The following PLD1 variants were observed in gnomAD, a reference collection of about 807,000 sequenced individuals.
The protein encoded by PLD1 is phospholipase D1.
A neutral mutation model predicts 137.1 loss-of-function variants in PLD1; 112 were observed. That is an observed-to-expected ratio of 0.82 (90% CI 0.70 to 0.96). PLD1 has a LOEUF of 0.96. Among genes scored for constraint, PLD1 ranks in the 40% least tolerant of loss-of-function variants. The pLI, the probability that PLD1 is intolerant of heterozygous loss-of-function variation, is 0.00. For missense variants in PLD1, 1,321 were observed against 1,342.0 expected, an observed-to-expected ratio of 0.98 and a Z score of 0.24; for synonymous variants, 431 against 454.7, an observed-to-expected ratio of 0.95 and a Z score of 0.66.
At chr3:171,783,286 C>A (rs1261506912) in intron 1 of PLD1, among the ~76,000 whole-genome samples, 3 of 151,976 alleles carry the variant, frequency 2.0e-5, no homozygotes, top group African/African-American at 7.3e-5. Flanking sequence ...TCCAGGAATG[C>A]TCCGTGGTTT....
At chr3:171,654,439 G>A (rs985354195) in intron 21 of PLD1, 1 of 189,886 alleles carries the variant, frequency 5.3e-6, no homozygotes, top group Non-Finnish European at 1.1e-5. Context: ...TATTTTCATT[G>A]TGTGTGTCAA....
rs368264113 is a variant in PLD1 at position 171,695,732 on chromosome 3, T to G, written c.1228-3290A>C. ...GTTTGTCCACTGCCTGAAGACAGTTTAGCCCACCCCACCCCCCCAACCCAG... is the reference window on the plus strand; with the variant it reads ...GTTTGTCCACTGCCTGAAGACAGTTGAGCCCACCCCACCCCCCCAACCCAG... On this transcript the variant is annotated intron_variant, in intron 12 of 26. Transcript: ENST00000351298. 7.2e-5 allele frequency among the ~76,000 whole-genome samples: 11 copies of G among 152,102 alleles called. No homozygotes were observed. In the South Asian group the frequency reaches 8.3e-4, roughly 11 times the overall value.
chr3:171,661,009 G>A (rs1737624125), intron 20 of PLD1, among the ~76,000 whole-genome samples: 1 of 152,144 alleles, frequency 6.6e-6, no homozygotes, highest in Non-Finnish European at 1.5e-5. Flanking sequence ...TGGTATAATT[G>A]TTTAAATTAA....
intron 1 of PLD1, among the ~76,000 whole-genome samples, chr3:171,745,568 A>G (rs1486263785): frequency 2.0e-5 from 3 of 152,214 alleles, no homozygotes; most frequent in African/African-American, 2.4e-5. Flanking sequence ...CTGACCTCCA[A>G]CCAGACCCTC....
intron 19 of PLD1, among the ~76,000 whole-genome samples, chr3:171,670,646 T>C (rs895685638): frequency 3.3e-4 from 50 of 152,360 alleles, no homozygotes; most frequent in African/African-American, 1.2e-3. Context: ...ATCAGTGATG[T>C]CCTAGTTTCT....
rs534617227 is a variant in PLD1 at position 171,668,795 on chromosome 3, G to T, written c.2229+5705C>A. On this transcript the variant is annotated intron_variant, in intron 19 of 26. Transcript: ENST00000351298. ...CATGTTGATGCTGACACGGCATTCA[G>T]CATTTTCTTTCAGCTTAATAGACAT... is the stretch of plus-strand genomic sequence containing the variant. 7.2e-5 allele frequency among the ~76,000 whole-genome samples: 11 copies of T among 152,330 alleles called. No homozygotes were observed. In the South Asian group the frequency reaches 2.3e-3, roughly 32 times the overall value.
rs184638829 is a variant in PLD1, at chr3:171,665,294, G to A, written c.2230-3124C>T. Reference sequence around the variant, plus strand: ...TGATCCTCAATGGCTTTCATGGAAGGGGACGCCTGAAGGTCACATATTTGC... The same window carrying A: ...TGATCCTCAATGGCTTTCATGGAAGAGGACGCCTGAAGGTCACATATTTGC... On this transcript the variant is annotated intron_variant, in intron 19 of 26. Transcript: ENST00000351298. Among the ~76,000 whole-genome samples the A allele has an allele frequency of 2.0e-5, 3 of 152,330 alleles. No homozygotes were observed. In the East Asian group the frequency reaches 5.8e-4, roughly 29 times the overall value.
At chr3:171,771,268 G>C (rs1181828912) in intron 1 of PLD1, 1 of 152,180 alleles carries the variant, frequency 6.6e-6, no homozygotes, top group Non-Finnish European at 1.5e-5. Context: ...CAATCTCCAA[G>C]GCAGCTGATA....
At chr3:171,740,955 G>A (rs1719734671) in intron 1 of PLD1, among the ~76,000 whole-genome samples, 1 of 152,108 alleles carries the variant, frequency 6.6e-6, no homozygotes, top group Non-Finnish European at 1.5e-5. Flanking sequence ...TTATGGAGTT[G>A]GTTACAGAGG....
intron 1 of PLD1, among the ~76,000 whole-genome samples, chr3:171,761,313 AG>A (rs1327046935): frequency 6.6e-6 from 1 of 152,182 alleles, no homozygotes; most frequent in East Asian, 1.9e-4. Flanking sequence ...AACAGTTAAA[AG>A]GCCTTTGAAA....
At chr3:171,703,073 A>T (rs1716381056) in intron 11 of PLD1, among the ~76,000 whole-genome samples, 2 of 152,184 alleles carry the variant, frequency 1.3e-5, no homozygotes, top group Admixed American at 1.3e-4. Context: ...AGTGCAATTC[A>T]CCACAGTAAC....
chr3:171,616,739 G>C (rs186902550), intron 24 of PLD1, among the ~76,000 whole-genome samples: 106 of 152,270 alleles, frequency 7.0e-4, no homozygotes, highest in Non-Finnish European at 1.2e-3. Context: ...CTAAAAGAAT[G>C]CAACAGCCCT....
chr3:171,758,733 C>G (rs571802134), intron 1 of PLD1, among the ~76,000 whole-genome samples: 1 of 152,300 alleles, frequency 6.6e-6, no homozygotes, highest in South Asian at 2.1e-4. Flanking sequence ...CCAGAGAGAA[C>G]AAAACCAGCT....
Position 171,710,206 on chromosome 3 carries a change from A to G in PLD1, c.912-497T>C, listed in dbSNP as rs919398453. Among the ~76,000 whole-genome samples, 49 of 152,008 alleles carry G rather than the reference A, an allele frequency of 3.2e-4. No homozygotes were observed. In the East Asian group the frequency reaches 3.3e-3, roughly 10 times the overall value. On this transcript the variant is annotated intron_variant, in intron 9 of 26. Transcript: ENST00000351298. ...GCCTCGAGTAGCTGGGACTACAGGC[A>G]CCCGCCACCACGCCCGGCTAATTTT... is the stretch of plus-strand genomic sequence containing the variant.
intron 1 of PLD1, among the ~76,000 whole-genome samples, chr3:171,764,118 C>G (rs1364458264): frequency 6.6e-6 from 1 of 152,098 alleles, no homozygotes; most frequent in African/African-American, 2.4e-5. Context: ...ACCATAGTCA[C>G]ATGCCACCAC....
intron 1 of PLD1, among the ~76,000 whole-genome samples, chr3:171,764,930 AAAGGAAAGAAAG>A (rs1721819321): frequency 3.6e-5 from 1 of 27,560 alleles, no homozygotes. Flanking sequence ...GAAAGGAAAG[AAAGGAAAGAAAG>A]AAAGAAAGAA....
intron 21 of PLD1, among the ~76,000 whole-genome samples, chr3:171,649,257 T>A (rs1326417142): frequency 6.6e-6 from 1 of 152,216 alleles, no homozygotes; most frequent in Non-Finnish European, 1.5e-5. Context: ...TAGGACTCTC[T>A]TAGCTCCATA....
At chr3:171,624,389 GT>G (rs1429055652) in intron 23 of PLD1, among the ~76,000 whole-genome samples, 26 of 152,200 alleles carry the variant, frequency 1.7e-4, no homozygotes, top group African/African-American at 6.3e-4. Flanking sequence ...GTGAGAATGG[GT>G]TGAAGACAGA....
At chr3:171,701,000 G>A (rs188092459) in intron 11 of PLD1, among the ~76,000 whole-genome samples, 7 of 152,340 alleles carry the variant, frequency 4.6e-5, no homozygotes, top group Non-Finnish European at 1.5e-5. Flanking sequence ...CAGGATGAAA[G>A]CCTTATGGAA....
Sources: allele counts gnomAD v4.1 joint callset (sites outside exome capture counted in the v4.1 genomes callset), GRCh38; gene constraint gnomAD v4.1.1; transcripts MANE v1.5; gene names NCBI Gene and HGNC (gene_info 2026-07-23, HGNC 2026-07-21).